The following PDHX variants were observed in gnomAD, a reference collection of about 807,000 sequenced individuals.
PDHX encodes the protein pyruvate dehydrogenase complex component X.
PDHX carries 33 observed loss-of-function variants against 55.3 expected under a neutral mutation model. The observed-to-expected ratio is 0.60, with a 90% CI of 0.45 to 0.80. PDHX has a LOEUF of 0.80. Among genes scored for constraint, PDHX ranks in the 30% least tolerant of loss-of-function variants. PDHX has a pLI of 0.00. For synonymous variants in PDHX, 226 were observed against 219.4 expected (o/e 1.03, Z -0.27); for missense variants, 622 against 619.9 (o/e 1.00, Z -0.04).
chr11:34,928,655 T>TCCAAATGCATTCAGTGTGTTAAGC (rs1854083546), intron 1 of PDHX, among the ~76,000 whole-genome samples: 1 of 152,180 alleles, frequency 6.6e-6, no homozygotes, highest in Non-Finnish European at 1.5e-5. Flanking sequence ...TTCTGTTATC[T>TCCAAATGCATTCAGTGTGTTAAGC]CCAAATGCAT....
intron 2 of PDHX, among the ~76,000 whole-genome samples, chr11:34,936,423 G>A (rs76399814): frequency 0.046 from 7,058 of 152,242 alleles, 512 homozygotes; most frequent in African/African-American, 0.16. Flanking sequence ...AAAGGTAATG[G>A]CAGAGGGGAA....
At chr11:34,921,803 A>G (rs562435990) in intron 1 of PDHX, among the ~76,000 whole-genome samples, 315 of 152,348 alleles carry the variant, frequency 2.1e-3, no homozygotes, top group Non-Finnish European at 2.9e-3. Context: ...AATACTTTGT[A>G]TATGTTTACC....
rs755806247 is a variant in PDHX, at chr11:34,994,846, T to C, written c.1248-68T>C. On this transcript the variant is annotated intron_variant, in intron 10 of 10. Coordinates refer to ENST00000227868, the MANE Select transcript of PDHX (RefSeq NM_003477.3). ...ACTGCCTAGTAAAATATATAAAATA[T>C]GTGCTTCACGGAAAGGGGACTTTGA... 3.7e-4 allele frequency: 582 copies of C among 1,569,302 alleles called. 2 individuals are homozygous for C. The Middle Eastern group carries it at 9.9e-3, about 27-fold the overall frequency.
chr11:34,986,663 G>A (rs997219512), intron 9 of PDHX, among the ~76,000 whole-genome samples: 3 of 152,256 alleles, frequency 2.0e-5, no homozygotes, highest in Non-Finnish European at 4.4e-5. Context: ...AGTTATGTTA[G>A]CTTTCTCTAT....
chr11:34,970,425 G>T, intron 7 of PDHX, 139 bp downstream of exon 7: 1 of 721,802 alleles, frequency 1.4e-6, no homozygotes, highest in Admixed American at 2.6e-5. Context: ...CTCTACTCTG[G>T]GTATATTTGT....
At chr11:34,987,750 A>ATG (rs1855679425) in intron 9 of PDHX, among the ~76,000 whole-genome samples, 3 of 105,408 alleles carry the variant, frequency 2.8e-5, no homozygotes, top group Admixed American at 9.5e-5. Context: ...GTGTGTGTGT[A>ATG]TGTGTGTGTG....
intron 3 of PDHX, among the ~76,000 whole-genome samples, chr11:34,949,444 G>T (rs1265607944): frequency 1.4e-5 from 2 of 147,572 alleles, no homozygotes; most frequent in Non-Finnish European, 3.0e-5. Flanking sequence ...CTCCAATTTG[G>T]TCAGGCTGGT....
At chr11:34,916,262 TC>T (rs764336742), upstream of PDHX, 10 of 1,612,506 alleles carry the variant, frequency 6.2e-6, no homozygotes, top group African/African-American at 1.1e-4. Context: ...ACAGTCTCCC[TC>T]CCGAGCATCA....
At chr11:34,963,819 C>T (rs1268086786) in intron 5 of PDHX, among the ~76,000 whole-genome samples, 3 of 152,180 alleles carry the variant, frequency 2.0e-5, no homozygotes, top group Non-Finnish European at 4.4e-5. Context: ...TTTAAGAAAG[C>T]AGTGTCGAGG....
chr11:34,947,587 G>A lies in PDHX; in HGVS notation c.323G>A (p.Gly108Glu). Reference sequence around the variant, plus strand: ...GTTACCTTAGATGCAAGTGATGATGGAATCTTGGCCAAAATCGTGGTAAGT... The same window carrying A: ...GTTACCTTAGATGCAAGTGATGATGAAATCTTGGCCAAAATCGTGGTAAGT... Reference protein sequence around the residue: ...AVVTLDASDDGILAKIVVEEG... With the variant: ...AVVTLDASDDEILAKIVVEEG... Residue 108 changes from glycine to glutamate, a missense_variant, in exon 3 of 11, where the codon GGA (glycine) becomes GAA (glutamate). Gly to Glu is a moderately conservative substitution (Grantham distance 98). Coordinates refer to ENST00000227868, the MANE Select transcript of PDHX (RefSeq NM_003477.3). 1 of 1,610,060 alleles carries A rather than the reference G, an allele frequency of 6.2e-7. No homozygotes were observed.
At chr11:34,982,942 A>G (rs940519525) in intron 8 of PDHX, among the ~76,000 whole-genome samples, 1 of 152,210 alleles carries the variant, frequency 6.6e-6, no homozygotes, top group African/African-American at 2.4e-5. Flanking sequence ...CATCATCCTG[A>G]TACCAAAGCC....
intron 3 of PDHX, among the ~76,000 whole-genome samples, chr11:34,949,070 T>A (rs1854690936): frequency 6.6e-6 from 1 of 152,202 alleles, no homozygotes; most frequent in Non-Finnish European, 1.5e-5. Context: ...TAGTTGATAG[T>A]GGCTTTGGTG....
chr11:34,937,799 C>T (rs1296971927), intron 2 of PDHX, among the ~76,000 whole-genome samples: 1 of 152,178 alleles, frequency 6.6e-6, no homozygotes, highest in Non-Finnish European at 1.5e-5. Flanking sequence ...TTGTCCTGGG[C>T]TGATCGCCTC....
At position 34,916,737 on chromosome 11, in the gene PDHX, C is replaced by T. The variant is rs754249799; in HGVS notation, c.82C>T (p.Leu28=). ...VGFPGRRSVG[L]VKGALGWSVS... is the part of the protein sequence containing the mutation. ...CTTCCCCGGCCGCCGAAGCGTAGGGCTGGTGAAGGGGGCTCTTGGGTGGTC... is the reference window on the plus strand; with the variant it reads ...CTTCCCCGGCCGCCGAAGCGTAGGGTTGGTGAAGGGGGCTCTTGGGTGGTC... The change falls in exon 1 of 11, where the codon CTG becomes TTG. Residue 28 remains leucine, a synonymous_variant. Coordinates refer to ENST00000227868, the MANE Select transcript of PDHX (RefSeq NM_003477.3). 76 of 1,613,346 alleles carry T rather than the reference C, an allele frequency of 4.7e-5. 1 individual carries two copies. In the South Asian group the frequency reaches 7.3e-4, roughly 15 times the overall value.
intron 1 of PDHX, among the ~76,000 whole-genome samples, chr11:34,929,504 A>G (rs1328242800): frequency 6.6e-6 from 1 of 152,218 alleles, no homozygotes; most frequent in East Asian, 1.9e-4. Context: ...TAATACAAGA[A>G]TTCTGCATGT....
chr11:34,985,280 A>C (rs531320105), intron 9 of PDHX, among the ~76,000 whole-genome samples: 40 of 152,208 alleles, frequency 2.6e-4, no homozygotes, highest in African/African-American at 9.6e-4. Context: ...ATCTCTACTA[A>C]AAATACGAAA....
At chr11:34,927,414 G>A (rs996463954) in intron 1 of PDHX, among the ~76,000 whole-genome samples, 1 of 151,972 alleles carries the variant, frequency 6.6e-6, no homozygotes, top group African/African-American at 2.4e-5. Flanking sequence ...GAATAAGGAG[G>A]GAGTCTGCAT....
chr11:34,939,504 T>TGTGTGTGTGTGTGTGC (rs1491574898), intron 2 of PDHX, among the ~76,000 whole-genome samples: 16 of 148,404 alleles, frequency 1.1e-4, no homozygotes, highest in African/African-American at 3.8e-4. Context: ...TGTGTGTGTG[T>TGTGTGTGTGTGTGTGC]GCACTTGCAT....
intron 2 of PDHX, among the ~76,000 whole-genome samples, chr11:34,931,938 G>A (rs996586111): frequency 1.3e-5 from 2 of 151,886 alleles, no homozygotes; most frequent in African/African-American, 2.4e-5. Context: ...GCAGATCAGC[G>A]GAGGAGGGTT....
Sources: gnomAD v4.1 joint callset for allele counts (sites outside exome capture counted in the v4.1 genomes callset) on GRCh38, gnomAD v4.1.1 for gene constraint, MANE v1.5 for transcripts, NCBI Gene and HGNC (gene_info 2026-07-23, HGNC 2026-07-21) for gene names.